ACYP2: variants seen among roughly 807,000 people sequenced by gnomAD.
The protein encoded by ACYP2 is acylphosphatase 2.
A neutral mutation model predicts 11.2 loss-of-function variants in ACYP2; 12 were observed. That is an observed-to-expected ratio of 1.08 (90% confidence interval 0.69 to 1.74). The LOEUF is 1.74. ACYP2 is among the 40% of genes most tolerant of loss of function. The probability of loss-of-function intolerance (pLI) is 0.00; values close to 1 mark genes in which losing one functional copy is unlikely to be tolerated. For synonymous variants in ACYP2, 43 were observed against 32.2 expected (o/e 1.33, Z -1.13); for missense variants, 134 against 101.9 (o/e 1.31, Z -1.35).
intron 6 of ACYP2, among the ~76,000 whole-genome samples, chr2:54,219,799 G>A (rs1482222252): frequency 7.1e-6 from 1 of 141,706 alleles, no homozygotes; most frequent in African/African-American, 2.6e-5. Flanking sequence ...TTATGTGTGT[G>A]TGTGTGTGTG....
chr2:54,050,328 A>T (rs891788070), intron 2 of ACYP2, among the ~76,000 whole-genome samples: 66 of 152,116 alleles, frequency 4.3e-4, no homozygotes, highest in Admixed American at 3.6e-3. Context: ...TGGGTGGATC[A>T]TGTGAGGCCA....
At chr2:54,027,962 C>T (rs1035062290) in intron 2 of ACYP2, among the ~76,000 whole-genome samples, 9 of 151,622 alleles carry the variant, frequency 5.9e-5, no homozygotes, top group Non-Finnish European at 8.8e-5. Flanking sequence ...CCTGCCTCAG[C>T]CTCCCAAGTA....
At chr2:53,997,362 G>A (rs1390103146) in intron 2 of ACYP2, among the ~76,000 whole-genome samples, 1 of 152,116 alleles carries the variant, frequency 6.6e-6, no homozygotes, top group Non-Finnish European at 1.5e-5. Flanking sequence ...CTGGAGTGCA[G>A]TGGTGCAATC....
At chr2:54,154,654 G>A (rs1427112862) in intron 6 of ACYP2, among the ~76,000 whole-genome samples, 1 of 152,064 alleles carries the variant, frequency 6.6e-6, no homozygotes, top group Non-Finnish European at 1.5e-5. Flanking sequence ...TCCTTTTAAT[G>A]TGCTGTTGAA....
At chr2:54,282,837 G>C (rs1162935358) in intron 6 of ACYP2, among the ~76,000 whole-genome samples, 2 of 151,960 alleles carry the variant, frequency 1.3e-5, no homozygotes, top group Non-Finnish European at 2.9e-5. Context: ...GTGTATACTT[G>C]TATATGCACA....
chr2:53,987,840 T>G (rs758815863), intron 2 of ACYP2, among the ~76,000 whole-genome samples: 97 of 152,106 alleles, frequency 6.4e-4, no homozygotes, highest in Non-Finnish European at 1.1e-3. Flanking sequence ...TGCTTGTGGG[T>G]TTTTTTGTTT....
At chr2:54,123,500 CT>C in intron 4 of ACYP2, 1 of 398,414 alleles carries the variant, frequency 2.5e-6, no homozygotes, top group Non-Finnish European at 4.4e-6. Context: ...TTACATAACA[CT>C]AAATATACAG....
chr2:54,133,703 G>C (rs1681062193), intron 4 of ACYP2, among the ~76,000 whole-genome samples: 3 of 152,156 alleles, frequency 2.0e-5, no homozygotes, highest in African/African-American at 2.4e-5. Flanking sequence ...CTTGAGATCT[G>C]TTATTTAGGG....
chr2:54,280,967 G>A (rs1688824360), intron 6 of ACYP2, among the ~76,000 whole-genome samples: 1 of 152,160 alleles, frequency 6.6e-6, no homozygotes, highest in African/African-American at 2.4e-5. Context: ...TAAAAGCCAG[G>A]TGGGAAAGGA....
chr2:54,147,827 T>A (rs1254205036), intron 6 of ACYP2, among the ~76,000 whole-genome samples: 1 of 152,164 alleles, frequency 6.6e-6, no homozygotes, highest in Non-Finnish European at 1.5e-5. Context: ...ACCTGGCCCC[T>A]CTGTTTTCCT....
intron 3 of ACYP2, among the ~76,000 whole-genome samples, chr2:54,052,214 A>G (rs775846652): frequency 6.6e-6 from 1 of 152,146 alleles, no homozygotes; most frequent in Non-Finnish European, 1.5e-5. Context: ...CCCCTTGTAC[A>G]CAACTCATTC....
In ACYP2 at chr2:54,167,092, G is replaced by A. The variant is rs528511892; in HGVS notation, c.404+28344G>A. 7.3e-5 allele frequency: 11 copies of A among 151,560 alleles called. No individual in the cohort carries two copies. The South Asian group carries it at 2.1e-3, about 29-fold the overall frequency. 9.4% of individuals were successfully genotyped at this position (151,560 alleles called of 1,614,324 possible). On this transcript the variant is annotated intron_variant, in intron 6 of 6. Transcript: ENST00000607452. The stretch of plus-strand genomic sequence containing the variant: ...AATCCATAGGACCCTTCCTCATGAC[G>A]GCATCTATCGACCTGTGACCTTTTG...
chr2:54,004,383 T>C (rs1175218625), intron 2 of ACYP2, among the ~76,000 whole-genome samples: 1 of 149,742 alleles, frequency 6.7e-6, no homozygotes, highest in Non-Finnish European at 1.5e-5. Context: ...TTTGGTGAGG[T>C]GTCTGTTCAG....
intron 2 of ACYP2, among the ~76,000 whole-genome samples, chr2:54,014,286 A>G (rs990538719): frequency 6.6e-6 from 1 of 151,978 alleles, no homozygotes; most frequent in Non-Finnish European, 1.5e-5. Flanking sequence ...GGGTGGGGCT[A>G]GGGTCAGGAT....
chr2:54,010,035 G>A (rs1673276232), intron 2 of ACYP2, among the ~76,000 whole-genome samples: 1 of 152,086 alleles, frequency 6.6e-6, no homozygotes, highest in Non-Finnish European at 1.5e-5. Context: ...CAAATACCAG[G>A]TTCAGTAGAA....
intron 2 of ACYP2, among the ~76,000 whole-genome samples, chr2:53,986,625 C>T (rs1275180691): frequency 2.0e-5 from 3 of 149,280 alleles, no homozygotes; most frequent in Non-Finnish European, 4.4e-5. Context: ...CCACCAAACC[C>T]GGCCTTTTTT....
chr2:54,228,562 T>C (rs569626323), intron 6 of ACYP2, among the ~76,000 whole-genome samples: 1 of 152,186 alleles, frequency 6.6e-6, no homozygotes, highest in African/African-American at 2.4e-5. Flanking sequence ...TCTATGAATT[T>C]GAAACCACCT....
intron 6 of ACYP2, among the ~76,000 whole-genome samples, chr2:54,155,400 C>G (rs1314386935): frequency 6.6e-6 from 1 of 151,686 alleles, no homozygotes; most frequent in African/African-American, 2.4e-5. Context: ...GATATTTATT[C>G]TTTTCTGATA....
chr2:54,019,185 G>A (rs1244324047), intron 2 of ACYP2, among the ~76,000 whole-genome samples: 1 of 149,246 alleles, frequency 6.7e-6, no homozygotes, highest in Non-Finnish European at 1.5e-5. Context: ...TTCCACCTCA[G>A]CCTCCTTAGT....
Sources: gnomAD v4.1 joint callset for allele counts (sites outside exome capture counted in the v4.1 genomes callset) on GRCh38, gnomAD v4.1.1 for gene constraint, MANE v1.5 for transcripts, NCBI Gene and HGNC (gene_info 2026-07-23, HGNC 2026-07-21) for gene names.